CNTN6: variants seen among roughly 807,000 people sequenced by gnomAD.
The protein encoded by CNTN6 is contactin-6.
In CNTN6, 137 loss-of-function variants were observed where a neutral mutation model predicts 122.8. The ratio of observed to expected loss-of-function variants is 1.12; its 90% CI spans 0.97 to 1.29. The LOEUF (loss-of-function observed/expected upper bound fraction) is 1.29. CNTN6 is among the 50% of genes most tolerant of loss of function. The pLI is 0.00. For missense variants in CNTN6, 1,634 were observed against 1,223.4 expected, an observed-to-expected ratio of 1.34 and a Z score of -5.01; for synonymous variants, 570 against 426.0, an observed-to-expected ratio of 1.34 and a Z score of -4.16.
chr3:1,214,047 G>C (rs9850313), intron 2 of CNTN6, among the ~76,000 whole-genome samples: 71,529 of 151,550 alleles, frequency 0.47, 17,651 homozygotes, highest in East Asian at 0.88. Flanking sequence ...TCTTATCGAG[G>C]TTGTAGCATT....
At chr3:1,201,305 T>C (rs1312229314) in intron 2 of CNTN6, among the ~76,000 whole-genome samples, 2 of 152,100 alleles carry the variant, frequency 1.3e-5, no homozygotes, top group Non-Finnish European at 2.9e-5. Flanking sequence ...CCATTTGCTC[T>C]TTTTTTCCCT....
intron 5 of CNTN6, among the ~76,000 whole-genome samples, chr3:1,283,196 C>G (rs1369267789): frequency 6.6e-6 from 1 of 152,126 alleles, no homozygotes; most frequent in East Asian, 1.9e-4. Flanking sequence ...CTCATGTGAT[C>G]CGCCTGCCTC....
chr3:1,139,526 T>C (rs1249236312), intron 1 of CNTN6, among the ~76,000 whole-genome samples: 5 of 152,064 alleles, frequency 3.3e-5, no homozygotes, highest in African/African-American at 9.7e-5. Context: ...CTCCTCATCT[T>C]GCAAGAACAA....
intron 1 of CNTN6, among the ~76,000 whole-genome samples, chr3:1,142,968 G>GTATGTATATA (rs1553605809): frequency 1.6e-5 from 2 of 128,654 alleles, no homozygotes; most frequent in African/African-American, 6.2e-5. Flanking sequence ...GTGTGTGTGT[G>GTATGTATATA]TATATATATA....
At chr3:1,307,212 T>C (rs547519108) in intron 7 of CNTN6, among the ~76,000 whole-genome samples, 2 of 152,174 alleles carry the variant, frequency 1.3e-5, no homozygotes, top group Non-Finnish European at 2.9e-5. Context: ...GAGTCAAGGA[T>C]CCTCACTTTG....
chr3:1,189,892 T>TC (rs1307898901), intron 2 of CNTN6, among the ~76,000 whole-genome samples: 6 of 152,334 alleles, frequency 3.9e-5, no homozygotes, highest in Admixed American at 3.9e-4. Flanking sequence ...GGCAAAGCAT[T>TC]CTATTGCATA....
intron 4 of CNTN6, among the ~76,000 whole-genome samples, chr3:1,266,456 C>T (rs557333207): frequency 3.9e-5 from 6 of 152,138 alleles, no homozygotes; most frequent in South Asian, 2.1e-4. Flanking sequence ...AAACTCAGAG[C>T]TTATGTCCAT....
At chr3:1,183,921 T>C (rs1049545003) in intron 2 of CNTN6, among the ~76,000 whole-genome samples, 79 of 152,274 alleles carry the variant, frequency 5.2e-4, no homozygotes, top group African/African-American at 1.8e-3. Flanking sequence ...ACTCATTTGG[T>C]TGTTGGTAGA....
At chr3:1,390,491 A>T (rs2126220172) in intron 20 of CNTN6, among the ~76,000 whole-genome samples, 1 of 152,064 alleles carries the variant, frequency 6.6e-6, no homozygotes. Context: ...TAACATCACA[A>T]TTAAAAGAAC....
intron 1 of CNTN6, among the ~76,000 whole-genome samples, chr3:1,102,574 C>CAAAAAAAA (rs1408730526): frequency 6.8e-6 from 1 of 146,050 alleles, no homozygotes; most frequent in Non-Finnish European, 1.5e-5. Flanking sequence ...ACTAAAAATA[C>CAAAAAAAA]AAAAATGAGC....
intron 2 of CNTN6, among the ~76,000 whole-genome samples, chr3:1,202,377 A>G (rs914654035): frequency 4.0e-5 from 6 of 151,714 alleles, no homozygotes; most frequent in Admixed American, 3.9e-4. Context: ...CGTCTCTACT[A>G]AAAATACAAG....
At chr3:1,341,245 G>A (rs1329390438) in intron 11 of CNTN6, among the ~76,000 whole-genome samples, 1 of 149,812 alleles carries the variant, frequency 6.7e-6, no homozygotes, top group Non-Finnish European at 1.5e-5. Flanking sequence ...TGTGTCCTTT[G>A]CCAACTTCAT....
chr3:1,369,426 A>G (rs1211254517), intron 12 of CNTN6, among the ~76,000 whole-genome samples: 3 of 144,320 alleles, frequency 2.1e-5, no homozygotes, highest in African/African-American at 5.2e-5. Context: ...TCTTGACTCC[A>G]GTACTTAGCA....
chr3:1,321,616 C>A, intron 7 of CNTN6, 34 bp from the exon 8 acceptor site: 2 of 1,530,422 alleles, frequency 1.3e-6, no homozygotes, highest in African/African-American at 1.4e-5. Context: ...AAAGATTAAA[C>A]CGTCTTCTAT....
intron 11 of CNTN6, among the ~76,000 whole-genome samples, chr3:1,333,783 C>G (rs565606185): frequency 6.6e-6 from 1 of 152,188 alleles, no homozygotes; most frequent in South Asian, 2.1e-4. Flanking sequence ...TTCTTCTAGT[C>G]TTACATGAAT....
intron 2 of CNTN6, among the ~76,000 whole-genome samples, chr3:1,211,800 TA>T (rs2125476666): frequency 6.6e-6 from 1 of 152,248 alleles, no homozygotes; most frequent in Admixed American, 6.5e-5. Flanking sequence ...TAGCATCTCT[TA>T]ATATTATATC....
intron 4 of CNTN6, among the ~76,000 whole-genome samples, chr3:1,240,533 G>T (rs1178391956): frequency 6.6e-6 from 1 of 152,014 alleles, no homozygotes; most frequent in Non-Finnish European, 1.5e-5. Flanking sequence ...ATAGACATTG[G>T]CATGGATGTG....
At chr3:1,192,338 G>T (rs112816547) in intron 2 of CNTN6, among the ~76,000 whole-genome samples, 1 of 151,896 alleles carries the variant, frequency 6.6e-6, no homozygotes, top group African/African-American at 2.4e-5. Flanking sequence ...TTCCCTTACC[G>T]TGTATTTCTA....
At chr3:1,269,161 TTAGC>T (rs2094980187) in intron 4 of CNTN6, among the ~76,000 whole-genome samples, 1 of 152,168 alleles carries the variant, frequency 6.6e-6, no homozygotes, top group Non-Finnish European at 1.5e-5. Flanking sequence ...GGTACTATTG[TTAGC>T]TAGCTTATTT....
Sources: gnomAD v4.1 joint callset for allele counts (sites outside exome capture counted in the v4.1 genomes callset) on GRCh38, gnomAD v4.1.1 for gene constraint, MANE v1.5 for transcripts, NCBI Gene and HGNC (gene_info 2026-07-23, HGNC 2026-07-21) for gene names.